The following AFF3 variants were observed in gnomAD, a reference collection of about 807,000 sequenced individuals.
The protein encoded by AFF3 is AF4/FMR2 family member 3.
AFF3 carries 32 observed loss-of-function variants against 129.7 expected under a neutral mutation model. The observed-to-expected ratio is 0.25, with a 90% CI of 0.19 to 0.33. AFF3 has a LOEUF of 0.33. Among genes scored for constraint, AFF3 ranks in the 10% least tolerant of loss-of-function variants. The pLI, the probability that AFF3 is intolerant of heterozygous loss-of-function variation, is 1.00. For synonymous variants in AFF3, 644 were observed against 635.4 expected (o/e 1.01, Z -0.20); for missense variants, 1,373 against 1,592.0 (o/e 0.86, Z 2.34).
intron 4 of AFF3, among the ~76,000 whole-genome samples, chr2:100,030,623 C>A (rs1684415130): frequency 1.3e-5 from 2 of 152,276 alleles, no homozygotes; most frequent in South Asian, 4.2e-4. Context: ...AGATGCACTT[C>A]AATAGATGAA....
chr2:99,773,011 G>A (rs1374717033), intron 8 of AFF3, among the ~76,000 whole-genome samples: 1 of 152,188 alleles, frequency 6.6e-6, no homozygotes, highest in Non-Finnish European at 1.5e-5. Flanking sequence ...TCCCACTCCC[G>A]TTCACAGGAA....
intron 7 of AFF3, among the ~76,000 whole-genome samples, chr2:99,933,924 G>T (rs1050376760): frequency 1.6e-4 from 24 of 152,178 alleles, no homozygotes; most frequent in African/African-American, 5.8e-4. Context: ...TTCAACTCCA[G>T]TGCCAACCCC....
intron 7 of AFF3, among the ~76,000 whole-genome samples, chr2:99,906,707 A>G (rs1423908015): frequency 6.6e-6 from 1 of 152,142 alleles, no homozygotes; most frequent in Non-Finnish European, 1.5e-5. Context: ...CTTCAGCTTC[A>G]GCTCCGGACC....
chr2:99,861,135 A>C (rs771525809), intron 7 of AFF3, among the ~76,000 whole-genome samples: 28 of 152,244 alleles, frequency 1.8e-4, no homozygotes, highest in Non-Finnish European at 2.9e-4. Flanking sequence ...TATGGAAAGA[A>C]ATCATACTGG....
intron 7 of AFF3, among the ~76,000 whole-genome samples, chr2:99,979,423 A>T (rs1679192209): frequency 1.3e-5 from 2 of 152,078 alleles, no homozygotes; most frequent in African/African-American, 4.8e-5. Flanking sequence ...ATGAGAAAGG[A>T]CTATTCAGAT....
intron 7 of AFF3, among the ~76,000 whole-genome samples, chr2:99,932,936 G>GT (rs761495996): frequency 2.6e-5 from 4 of 152,018 alleles, no homozygotes; most frequent in Non-Finnish European, 5.9e-5. Flanking sequence ...TCAATAATAT[G>GT]TTTTTTTAAT....
At chr2:99,994,513 T>C (rs1680656232) in intron 7 of AFF3, among the ~76,000 whole-genome samples, 1 of 152,138 alleles carries the variant, frequency 6.6e-6, no homozygotes, top group African/African-American at 2.4e-5. Context: ...CCTGTCAATA[T>C]AAACAATTAG....
chr2:99,671,706 C>T (rs1687159325), intron 12 of AFF3, among the ~76,000 whole-genome samples: 1 of 152,152 alleles, frequency 6.6e-6, no homozygotes, highest in Admixed American at 6.5e-5. Flanking sequence ...AAAAAAGCCT[C>T]TCTGAATTGT....
At chr2:99,919,413 C>T (rs941452399) in intron 7 of AFF3, among the ~76,000 whole-genome samples, 6 of 152,034 alleles carry the variant, frequency 3.9e-5, no homozygotes, top group Non-Finnish European at 7.4e-5. Context: ...TTGTCGAATA[C>T]GGGATGGCTC....
At chr2:99,733,374 C>T (rs1193755260) in intron 10 of AFF3, among the ~76,000 whole-genome samples, 2 of 72,952 alleles carry the variant, frequency 2.7e-5, no homozygotes, top group Non-Finnish European at 6.2e-5. Flanking sequence ...AGCGAGACTC[C>T]GTCCAAAAAA....
chr2:99,837,630 G>GT, intron 7 of AFF3, 106 bp from the exon 8 acceptor site: 1 of 1,016,472 alleles, frequency 9.8e-7, no homozygotes, highest in Non-Finnish European at 1.5e-6. Context: ...AATTCAGCGA[G>GT]TTACAGGTTG....
At position 99,984,624 on chromosome 2, in the gene AFF3, A is replaced by G. The variant is rs187776268; in HGVS notation, c.873+22008T>C. ...ATGCATATTAAAAATCTACAAATCT[A>G]AAGACAAAATAGTGTATTAATACCA... On this transcript the variant is annotated intron_variant, in intron 7 of 24. Coordinates refer to ENST00000672756, the MANE Select transcript of AFF3 (RefSeq NM_001386135.1). Among the ~76,000 whole-genome samples the G allele has an allele frequency of 1.9e-3, 287 of 152,292 alleles. 1 individual carries two copies. Among genetic ancestry groups the G allele is most frequent in the South Asian group, 3.3e-3 (16 of 4,824 alleles).
At chr2:99,812,677 G>C (rs909207562) in intron 8 of AFF3, among the ~76,000 whole-genome samples, 1 of 151,978 alleles carries the variant, frequency 6.6e-6, no homozygotes, top group African/African-American at 2.4e-5. Flanking sequence ...TCCTATTAAC[G>C]GCACTATGAA....
chr2:99,640,025 G>A (rs1271768219), intron 13 of AFF3, among the ~76,000 whole-genome samples: 1 of 152,122 alleles, frequency 6.6e-6, no homozygotes, highest in Non-Finnish European at 1.5e-5. Flanking sequence ...AGACAATGTG[G>A]CAGAAACAGG....
intron 7 of AFF3, among the ~76,000 whole-genome samples, chr2:100,002,052 GA>G (rs959803222): frequency 6.6e-6 from 1 of 152,224 alleles, no homozygotes; most frequent in African/African-American, 2.4e-5. Flanking sequence ...GAGCGAGGGT[GA>G]TGGGAAAGAT....
chr2:100,036,844 A>G (rs1007239594), intron 4 of AFF3, among the ~76,000 whole-genome samples: 1 of 113,084 alleles, frequency 8.8e-6, no homozygotes, highest in Admixed American at 8.6e-5. Context: ...GAAAAAAAAA[A>G]AAAGAAAAGA....
intron 7 of AFF3, among the ~76,000 whole-genome samples, chr2:99,980,983 T>G (rs1359589763): frequency 6.6e-6 from 1 of 152,222 alleles, no homozygotes; most frequent in Non-Finnish European, 1.5e-5. Flanking sequence ...AATTTTCTTA[T>G]GACATTAACT....
At chr2:99,848,977 C>T (rs777698736) in intron 7 of AFF3, among the ~76,000 whole-genome samples, 2 of 152,062 alleles carry the variant, frequency 1.3e-5, no homozygotes, top group African/African-American at 4.8e-5. Flanking sequence ...ATGTAACATG[C>T]AACCAAATGG....
At chr2:99,823,190 T>A (rs1057499374) in intron 8 of AFF3, among the ~76,000 whole-genome samples, 8 of 152,330 alleles carry the variant, frequency 5.3e-5, no homozygotes, top group African/African-American at 1.9e-4. Context: ...GATCTTTTTT[T>A]AATAAGTGTT....
Sources: allele counts gnomAD v4.1 joint callset (sites outside exome capture counted in the v4.1 genomes callset), GRCh38; gene constraint gnomAD v4.1.1; transcripts MANE v1.5; gene names NCBI Gene and HGNC (gene_info 2026-07-23, HGNC 2026-07-21).